The following YIF1B variants were observed in gnomAD, a reference collection of about 807,000 sequenced individuals.
YIF1B encodes the protein Yip1 interacting factor homolog B, membrane trafficking protein, also known as protein YIF1B.
In YIF1B, 24 loss-of-function variants were observed where a neutral mutation model predicts 34.6. That is an observed-to-expected ratio of 0.69 (90% CI 0.50 to 0.98). The LOEUF (loss-of-function observed/expected upper bound fraction) is 0.98. YIF1B is among the 50% of genes least tolerant of loss of function. The pLI, the probability that YIF1B is intolerant of heterozygous loss-of-function variation, is 0.00. For missense variants in YIF1B, 368 were observed against 429.4 expected (o/e 0.86, Z 1.26); for synonymous variants, 186 against 184.8 (o/e 1.01, Z -0.05).
In YIF1B at chr19:38,308,048, A is replaced by C. The variant is rs77978362; in HGVS notation, c.540-296T>G. On this transcript the variant is annotated intron_variant, in intron 5 of 7. Coordinates refer to ENST00000339413, the MANE Select transcript of YIF1B (RefSeq NM_001039672.3). ...GGACACCGAGCTGAAGCCTGCAGGAAGGAGCTGGTCAGGGACAAAGCCCTT... is the reference window on the plus strand; with the variant it reads ...GGACACCGAGCTGAAGCCTGCAGGACGGAGCTGGTCAGGGACAAAGCCCTT... Among the ~76,000 whole-genome samples the C allele has an allele frequency of 5.3e-4, 80 of 152,310 alleles. No individual in the cohort carries two copies. In the East Asian group the frequency reaches 0.014, roughly 28 times the overall value.
upstream of YIF1B, among the ~76,000 whole-genome samples, chr19:38,317,989 T>C (rs1231930112): frequency 2.0e-5 from 3 of 150,610 alleles, no homozygotes; most frequent in Non-Finnish European, 3.0e-5. Flanking sequence ...TGAGGTCAGT[T>C]TGAGACCATC....
intron 1 of YIF1B, among the ~76,000 whole-genome samples, chr19:38,311,372 T>C (rs1419309716): frequency 2.0e-5 from 3 of 151,900 alleles, no homozygotes; most frequent in Non-Finnish European, 4.4e-5. Context: ...ACAGCTAAAA[T>C]GACTTGTGCA....
In YIF1B at chr19:38,308,782, C is replaced by T. The variant is rs780566391; in HGVS notation, c.539+10G>A. 1.7e-5 allele frequency: 27 copies of T among 1,613,708 alleles called. No individual in the cohort carries two copies. Among genetic ancestry groups the T allele is most frequent in the South Asian group, 1.1e-5 (1 of 91,082 alleles). ...CCCACCTTATTCGGCCTGCCCCAGGCCTCCCTTACCTATCCTGGGTCCCCA... is the reference window on the plus strand; with the variant it reads ...CCCACCTTATTCGGCCTGCCCCAGGTCTCCCTTACCTATCCTGGGTCCCCA... On this transcript the variant is annotated intron_variant, in intron 5 of 7. Transcript: ENST00000339413.
At chr19:38,310,141 TATCC>T (rs1969262380) in intron 1 of YIF1B, among the ~76,000 whole-genome samples, 1 of 115,730 alleles carries the variant, frequency 8.6e-6, no homozygotes, top group Non-Finnish European at 1.8e-5. Context: ...TCTATCCATC[TATCC>T]ATCTACCCAC....
chr19:38,317,477 T>G (rs1292589242), upstream of YIF1B, among the ~76,000 whole-genome samples: 9 of 152,204 alleles, frequency 5.9e-5, no homozygotes, highest in Non-Finnish European at 1.3e-4. Context: ...ATTTAGCCTC[T>G]GTCCCCTGGG....
Position 38,305,098 on chromosome 19 carries a change from A to C in YIF1B, c.*254T>G. 6.8e-7 allele frequency: 1 copy of C among 1,480,180 alleles called. No individual in the cohort carries two copies. Among genetic ancestry groups the C allele is most frequent in the Non-Finnish European group, 9.0e-7 (1 of 1,107,696 alleles). The allele number at this position is 1,480,180 out of a possible 1,614,324, so 91.7% of individuals were successfully genotyped here. ...GCCCGCCCATTCGTGCGCGAGGCCA[A>C]GGAGAGGCTGTCCACGCCATGCCCA... On this transcript the variant is annotated 3_prime_UTR_variant, in exon 8 of 8. Transcript: ENST00000339413.
At chr19:38,309,931 C>A in intron 1 of YIF1B, 2 of 927,654 alleles carry the variant, frequency 2.2e-6, no homozygotes, top group Non-Finnish European at 3.0e-6. Context: ...CACTCACCCA[C>A]CCATCCATCC....
In YIF1B at chr19:38,309,012, A is replaced by C. The variant is rs766765919; in HGVS notation, c.448T>G (p.Phe150Val). ...TAGAGGTCCGGGGCATTGACGTCAA[A>C]GCGGGGGGCCACCGGGGTGTCCTGT... ...YQQDTPVAPR[F>V]DVNAPDLYIP... Residue 150 changes from phenylalanine to valine, a missense_variant, in exon 4 of 8, where the codon TTT becomes GTT. Coordinates refer to ENST00000339413, the MANE Select transcript of YIF1B (RefSeq NM_001039672.3). 6.4e-7 allele frequency: 1 copy of C among 1,574,792 alleles called. No homozygotes were observed. Among genetic ancestry groups the C allele is most frequent in the Non-Finnish European group, 8.6e-7 (1 of 1,158,696 alleles).
At position 38,305,376 on chromosome 19, in the gene YIF1B, C is replaced by T; in HGVS notation, c.921G>A (p.Trp307Ter). The change falls in exon 8 of 8, where the codon TGG (tryptophan) becomes TGA (stop). Residue 307 changes from tryptophan (W) to a stop codon, truncating the protein, a stop_gained. Coordinates refer to ENST00000339413, the MANE Select transcript of YIF1B (RefSeq NM_001039672.3). LOFTEE classifies it high-confidence loss of function. ...VAAAQPMLMY[W>*]LTFHLVR is the part of the protein sequence containing the mutation. ...CTCACCGCACCAGGTGGAAGGTGAG[C>T]CAGTACATGAGCATAGGCTGCGCCG... The T allele has an allele frequency of 1.2e-6, 2 of 1,604,794 alleles. No homozygotes were observed. Among genetic ancestry groups the T allele is most frequent in the South Asian group, 1.1e-5 (1 of 90,868 alleles).
rs375716939 is a variant in YIF1B, at chr19:38,305,436, G to A, written c.861C>T (p.Asn287=). ...CCATGGTCAGGTACATGCGCAGCTGGTTCCGGGCCCCACGCACCGGGACCC... is the reference window on the plus strand; with the variant it reads ...CCATGGTCAGGTACATGCGCAGCTGATTCCGGGCCCCACGCACCGGGACCC... ...AEGVPVRGAR[N]QLRMYLTMAV... The change falls in exon 8 of 8, where the codon AAC becomes AAT. Residue 287 remains asparagine, a synonymous_variant. Coordinates refer to ENST00000339413, the MANE Select transcript of YIF1B (RefSeq NM_001039672.3). 2.5e-6 allele frequency: 4 copies of A among 1,610,386 alleles called. No individual in the cohort carries two copies. The highest frequency in any genetic ancestry group is 3.4e-6 in the Non-Finnish European group (4 of 1,178,290).
chr19:38,319,917 G>A (rs758483018), upstream of YIF1B: 13 of 1,381,928 alleles, frequency 9.4e-6, no homozygotes, highest in South Asian at 1.8e-4. Flanking sequence ...CGTCAGCGGG[G>A]CCACCCAGGG....
chr19:38,320,125 C>T (rs755121668), upstream of YIF1B: 169 of 1,586,232 alleles, frequency 1.1e-4, no homozygotes, highest in Middle Eastern at 1.7e-4. Context: ...TGCCCCCGCC[C>T]TGGACGCCTT....
chr19:38,315,921 T>TCGC lies in YIF1B; in HGVS notation c.-7_-5dup, dbSNP rs762068034. On this transcript the variant is annotated 5_prime_UTR_variant, in exon 1 of 8. Coordinates refer to ENST00000339413, the MANE Select transcript of YIF1B (RefSeq NM_001039672.3). ...CCGCCAAGCCTGCCGGGTGCATCCTTCGCCGCCGCCACCTAAGCCGCGGTT... is the reference window on the plus strand; with the variant it reads ...CCGCCAAGCCTGCCGGGTGCATCCTTCGCCGCCGCCGCCACCTAAGCCGCGGTT... The TCGC allele has an allele frequency of 6.2e-6, 9 of 1,457,936 alleles. No homozygotes were observed. Among genetic ancestry groups the TCGC allele is most frequent in the South Asian group, 1.3e-5 (1 of 74,548 alleles). The allele number at this position is 1,457,936 out of a possible 1,614,324, so 90.3% of individuals were successfully genotyped here.
chr19:38,309,174 G>A, intron 3 of YIF1B, 50 bp downstream of exon 3: 1 of 1,602,362 alleles, frequency 6.2e-7, no homozygotes, highest in Non-Finnish European at 8.5e-7. Flanking sequence ...CCCCACCCCT[G>A]AGCCCCCCAC....
At chr19:38,316,044 G>T, upstream of YIF1B, 3 of 1,155,174 alleles carry the variant, frequency 2.6e-6, no homozygotes, top group Non-Finnish European at 3.2e-6. Context: ...CCACCCCCCC[G>T]ACCCCTCCAG....
At chr19:38,319,485 G>A (rs1969619950), upstream of YIF1B, among the ~76,000 whole-genome samples, 1 of 152,196 alleles carries the variant, frequency 6.6e-6, no homozygotes, top group East Asian at 1.9e-4. Context: ...CGAATGGAGC[G>A]AGAATTGGAT....
rs1345154632 is a variant in YIF1B at position 38,310,011 on chromosome 19, C to A, written c.59-368G>T. ...ATCCATCCAGCCATCCATCCACCCA[C>A]CCATCTAGCCAACTATCCATCCACT... is the stretch of plus-strand genomic sequence containing the variant. On this transcript the variant is annotated intron_variant, in intron 1 of 7. Coordinates refer to ENST00000339413, the MANE Select transcript of YIF1B (RefSeq NM_001039672.3). The A allele has an allele frequency of 2.5e-5, 8 of 325,786 alleles. 1 individual carries two copies. The South Asian group carries it at 3.1e-4, about 13-fold the overall frequency. 20.2% of individuals were successfully genotyped at this position (325,786 alleles called of 1,614,324 possible).
At chr19:38,305,613 G>T in intron 7 of YIF1B, 106 bp from the exon 8 acceptor site, 1 of 1,420,646 alleles carries the variant, frequency 7.0e-7, no homozygotes, top group South Asian at 1.5e-5. Flanking sequence ...GCCCCAGGCA[G>T]CTGGGGACAA....
rs1230748869 is a variant in YIF1B at position 38,315,881 on chromosome 19, TC to T, written c.36del (p.Thr13ArgfsTer47). 1.3e-6 allele frequency: 2 copies of T among 1,482,424 alleles called. No homozygotes were observed. The highest frequency in any genetic ancestry group is 2.4e-5 in the Admixed American group (1 of 42,064). 91.8% of individuals were successfully genotyped at this position (1,482,424 alleles called of 1,614,324 possible). A position where few individuals can be genotyped will look rare whatever the true frequency, so the allele number is the denominator to read the frequency against. ...HPAGLAAAAA[G>X]TPRLRKWPSK... is the part of the protein sequence containing the mutation. The stretch of plus-strand genomic sequence containing the variant: ...GTACGCCACTTACGCAGCCGGGGCG[TC>T]CCCGCAGCCGCCGCCGCCAAGCCTG... On this transcript the variant is annotated frameshift_variant, in exon 1 of 8. Coordinates refer to ENST00000339413, the MANE Select transcript of YIF1B (RefSeq NM_001039672.3). LOFTEE classifies it high-confidence loss of function.
Sources: allele counts gnomAD v4.1 joint callset (sites outside exome capture counted in the v4.1 genomes callset), GRCh38; gene constraint gnomAD v4.1.1; transcripts MANE v1.5; gene names NCBI Gene and HGNC (gene_info 2026-07-23, HGNC 2026-07-21).